Variants in STXBP5L observed in about 807,000 individuals in gnomAD.
STXBP5L encodes the protein syntaxin binding protein 5L.
STXBP5L carries 65 observed loss-of-function variants against 144.5 expected under a neutral mutation model. That is an observed-to-expected ratio of 0.45 (90% CI 0.37 to 0.55). The LOEUF (loss-of-function observed/expected upper bound fraction) is 0.55, where lower values mean the gene tolerates loss of function less well. STXBP5L is among the 20% of genes least tolerant of loss of function. The pLI is 0.00. For synonymous variants in STXBP5L, 505 were observed against 469.6 expected (o/e 1.08, Z -0.97); for missense variants, 1,298 against 1,405.5 (o/e 0.92, Z 1.22).
At chr3:121,409,550 C>T (rs553308091) in intron 23 of STXBP5L, among the ~76,000 whole-genome samples, 5 of 151,898 alleles carry the variant, frequency 3.3e-5, no homozygotes, top group African/African-American at 1.2e-4. Context: ...AAATTAATAT[C>T]CAAAACAAAA....
intron 9 of STXBP5L, among the ~76,000 whole-genome samples, chr3:121,202,032 A>G (rs1022406520): frequency 1.3e-5 from 2 of 152,214 alleles, no homozygotes; most frequent in Non-Finnish European, 2.9e-5. Context: ...CTGGGATTAC[A>G]GGAATCAGCC....
At chr3:121,022,820 A>G (rs573861879) in intron 3 of STXBP5L, among the ~76,000 whole-genome samples, 2 of 152,278 alleles carry the variant, frequency 1.3e-5, no homozygotes, top group East Asian at 1.9e-4. Context: ...GGAAAAGTTG[A>G]AAGCATTCCC....
intron 3 of STXBP5L, among the ~76,000 whole-genome samples, chr3:121,030,093 G>A (rs1319265995): frequency 6.6e-6 from 1 of 152,162 alleles, no homozygotes; most frequent in Non-Finnish European, 1.5e-5. Context: ...GTGTAAATTA[G>A]TTCAACCATT....
chr3:121,201,264 T>C (rs1458745231), intron 9 of STXBP5L, among the ~76,000 whole-genome samples: 3 of 152,238 alleles, frequency 2.0e-5, no homozygotes. Context: ...TTTACCATTA[T>C]GTAATGTCCT....
chr3:121,315,569 C>G (rs1264970291), intron 19 of STXBP5L, among the ~76,000 whole-genome samples: 1 of 151,642 alleles, frequency 6.6e-6, no homozygotes, highest in Non-Finnish European at 1.5e-5. Context: ...ACCAGCATGG[C>G]ACATGTATAC....
At chr3:121,247,075 T>A (rs1238970316) in intron 14 of STXBP5L, among the ~76,000 whole-genome samples, 2 of 152,228 alleles carry the variant, frequency 1.3e-5, no homozygotes, top group Non-Finnish European at 2.9e-5. Flanking sequence ...TTTATAGTTA[T>A]GTAAATTACA....
At chr3:121,376,477 G>T (rs771946609) in intron 20 of STXBP5L, among the ~76,000 whole-genome samples, 3 of 152,134 alleles carry the variant, frequency 2.0e-5, no homozygotes, top group Non-Finnish European at 4.4e-5. Flanking sequence ...CAGCACCATT[G>T]ATTAAATAGG....
rs2041315270 is a variant in STXBP5L at position 121,062,180 on chromosome 3, A to T, written c.470+16645A>T. Among the ~76,000 whole-genome samples the T allele has an allele frequency of 2.0e-5, 3 of 152,230 alleles. No homozygotes were observed. In the South Asian group the frequency reaches 6.2e-4, roughly 31 times the overall value. On this transcript the variant is annotated intron_variant, in intron 5 of 26. Transcript: ENST00000471454. ...AGCCGCCAGGAAGCTTTTGTAAGGC[A>T]GGCCTGGTGGTGACAAAATCTCTCA... is the stretch of plus-strand genomic sequence containing the variant.
chr3:121,252,786 G>C (rs1364399695), intron 15 of STXBP5L, among the ~76,000 whole-genome samples: 1 of 152,146 alleles, frequency 6.6e-6, no homozygotes, highest in Non-Finnish European at 1.5e-5. Context: ...TTAGGAATTT[G>C]ATTATACCTT....
chr3:121,085,395 A>G (rs1179712106), intron 5 of STXBP5L, among the ~76,000 whole-genome samples: 2 of 152,182 alleles, frequency 1.3e-5, no homozygotes, highest in African/African-American at 4.8e-5. Context: ...CTGTTTGAAG[A>G]TAACATGATC....
At chr3:121,401,763 AGGGATAGCATT>A (rs1000018756) in intron 22 of STXBP5L, among the ~76,000 whole-genome samples, 2 of 101,042 alleles carry the variant, frequency 2.0e-5, no homozygotes, top group African/African-American at 7.6e-5. Flanking sequence ...GGGAGGGGGG[AGGGATAGCATT>A]GGGAGATATA....
intron 8 of STXBP5L, among the ~76,000 whole-genome samples, chr3:121,154,576 A>T (rs1234078341): frequency 6.6e-6 from 1 of 151,530 alleles, no homozygotes; most frequent in Non-Finnish European, 1.5e-5. Context: ...ATTCTTCAGG[A>T]TATTATGTCT....
chr3:121,278,089 C>T (rs1049833379), intron 18 of STXBP5L, among the ~76,000 whole-genome samples: 10 of 152,120 alleles, frequency 6.6e-5, no homozygotes, highest in African/African-American at 2.4e-4. Flanking sequence ...CTCAGTCTCT[C>T]ATCTCTGCCT....
intron 5 of STXBP5L, among the ~76,000 whole-genome samples, chr3:121,069,225 A>C (rs1560087378): frequency 6.6e-6 from 1 of 152,218 alleles, no homozygotes. Context: ...TTATAACTCA[A>C]GAATGTTAAA....
chr3:121,341,963 T>C (rs7632593), intron 20 of STXBP5L, among the ~76,000 whole-genome samples: 77,224 of 151,884 alleles, frequency 0.51, 19,940 homozygotes, highest in East Asian at 0.71. Context: ...TAATTTATTG[T>C]ATATTTTAGA....
At chr3:121,388,719 G>A (rs1207421964) in intron 22 of STXBP5L, among the ~76,000 whole-genome samples, 1 of 152,190 alleles carries the variant, frequency 6.6e-6, no homozygotes, top group Non-Finnish European at 1.5e-5. Flanking sequence ...TGTTGAACCA[G>A]CCTTGCATCC....
intron 18 of STXBP5L, among the ~76,000 whole-genome samples, chr3:121,270,355 G>A (rs990379305): frequency 2.3e-4 from 35 of 151,012 alleles, no homozygotes; most frequent in African/African-American, 7.8e-4. Context: ...TCCCAATAAT[G>A]TCATTTATAT....
At chr3:121,255,955 C>G (rs2050194273) in intron 16 of STXBP5L, among the ~76,000 whole-genome samples, 1 of 152,026 alleles carries the variant, frequency 6.6e-6, no homozygotes, top group Non-Finnish European at 1.5e-5. Flanking sequence ...ATTAATATCA[C>G]CCTTTTATTG....
At chr3:121,379,445 G>T (rs1170319892) in intron 21 of STXBP5L, among the ~76,000 whole-genome samples, 2 of 152,078 alleles carry the variant, frequency 1.3e-5, no homozygotes, top group Non-Finnish European at 2.9e-5. Flanking sequence ...CAAAAAAAGG[G>T]AATTTTGTAA....
Sources: gnomAD v4.1 joint callset for allele counts (sites outside exome capture counted in the v4.1 genomes callset) on GRCh38, gnomAD v4.1.1 for gene constraint, MANE v1.5 for transcripts, NCBI Gene and HGNC (gene_info 2026-07-23, HGNC 2026-07-21) for gene names.